PACRG: variants seen among roughly 807,000 people sequenced by gnomAD.
PACRG encodes the protein parkin coregulated.
In PACRG, 29 loss-of-function variants were observed where a neutral mutation model predicts 29.7. That is an observed-to-expected ratio of 0.98 (90% CI 0.73 to 1.33). The LOEUF (loss-of-function observed/expected upper bound fraction) is 1.33, where lower values mean the gene tolerates loss of function less well. PACRG is among the 40% of genes most tolerant of loss of function. PACRG has a pLI of 0.00. For missense variants in PACRG, 279 were observed against 316.2 expected, an observed-to-expected ratio of 0.88 and a Z score of 0.89; for synonymous variants, 116 against 118.7, an observed-to-expected ratio of 0.98 and a Z score of 0.15.
At chr6:163,152,294 A>G (rs1252935173) in intron 4 of PACRG, among the ~76,000 whole-genome samples, 1 of 152,244 alleles carries the variant, frequency 6.6e-6, no homozygotes, top group Non-Finnish European at 1.5e-5. Context: ...AAATGCTTCT[A>G]TGGTTTCAAT....
intron 2 of PACRG, among the ~76,000 whole-genome samples, chr6:162,958,888 G>T (rs1376310848): frequency 0.04 from 708 of 17,920 alleles, 1 homozygote; most frequent in Non-Finnish European, 0.05. Context: ...TATATATAGA[G>T]AGAGAGAGAG....
chr6:163,095,675 C>T (rs1433737548), intron 4 of PACRG, among the ~76,000 whole-genome samples: 1 of 152,160 alleles, frequency 6.6e-6, no homozygotes, highest in African/African-American at 2.4e-5. Context: ...GCCCCATCTT[C>T]ATGTGGCCTT....
At chr6:162,847,428 T>G (rs1014965535) in intron 2 of PACRG, among the ~76,000 whole-genome samples, 4 of 152,064 alleles carry the variant, frequency 2.6e-5, no homozygotes, top group Admixed American at 6.6e-5. Flanking sequence ...TCCCCTTTTT[T>G]GGGATTTTTA....
At chr6:163,010,439 A>G (rs1321004967) in intron 2 of PACRG, among the ~76,000 whole-genome samples, 2 of 152,142 alleles carry the variant, frequency 1.3e-5, no homozygotes, top group African/African-American at 4.8e-5. Flanking sequence ...CCTAAATGCA[A>G]TTATCTCCCA....
intron 2 of PACRG, among the ~76,000 whole-genome samples, chr6:162,989,141 C>T (rs897407007): frequency 1.3e-5 from 2 of 152,130 alleles, no homozygotes; most frequent in East Asian, 3.9e-4. Flanking sequence ...TCAGGTGGAA[C>T]ATTGTTCTCA....
intron 1 of PACRG, among the ~76,000 whole-genome samples, chr6:162,806,788 A>G (rs1212083375): frequency 6.6e-6 from 1 of 152,190 alleles, no homozygotes; most frequent in Admixed American, 6.5e-5. Flanking sequence ...TAGAGTCACC[A>G]GCTGCGTTAG....
At chr6:163,188,122 T>C (rs12194998) in intron 4 of PACRG, among the ~76,000 whole-genome samples, 1,885 of 152,346 alleles carry the variant, frequency 0.012, 13 homozygotes, top group South Asian at 0.031. Flanking sequence ...CAGGGAACTA[T>C]GTGATCTGTG....
At chr6:163,010,591 A>AGTCT (rs1169530500) in intron 2 of PACRG, among the ~76,000 whole-genome samples, 1 of 152,202 alleles carries the variant, frequency 6.6e-6, no homozygotes, top group African/African-American at 2.4e-5. Context: ...ATGTAGCCAG[A>AGTCT]GTCTGCCAAA....
chr6:162,865,696 C>T (rs1033614832), intron 2 of PACRG, among the ~76,000 whole-genome samples: 1 of 152,120 alleles, frequency 6.6e-6, no homozygotes, highest in African/African-American at 2.4e-5. Flanking sequence ...GGCTTATCTT[C>T]TCCAGAATAA....
At chr6:162,947,545 C>CAT (rs4056363) in intron 2 of PACRG, among the ~76,000 whole-genome samples, 1,340 of 75,490 alleles carry the variant, frequency 0.018, 39 homozygotes, top group African/African-American at 0.055. Context: ...CATATATAAT[C>CAT]ATATATATAT....
At chr6:162,779,734 G>A (rs1225029177) in intron 1 of PACRG, among the ~76,000 whole-genome samples, 2 of 152,164 alleles carry the variant, frequency 1.3e-5, no homozygotes, top group Admixed American at 6.5e-5. Flanking sequence ...TAATGAATAC[G>A]AATGTGACCT....
chr6:162,893,175 G>T (rs189273039), intron 2 of PACRG, among the ~76,000 whole-genome samples: 8 of 152,228 alleles, frequency 5.3e-5, no homozygotes, highest in African/African-American at 1.7e-4. Context: ...ACTTGGTGCC[G>T]CTCACCCAAA....
chr6:163,313,985 T>C (rs1785543332), intron 4 of PACRG: 2 of 152,220 alleles, frequency 1.3e-5, no homozygotes, highest in African/African-American at 2.4e-5. Flanking sequence ...GCAGCTTGGA[T>C]ACAATCGCAT....
intron 1 of PACRG, among the ~76,000 whole-genome samples, chr6:162,759,018 C>A (rs187231481): frequency 1.3e-5 from 2 of 152,182 alleles, no homozygotes; most frequent in South Asian, 4.2e-4. Context: ...GTGTTTCTAG[C>A]CATTGAAGAA....
intron 2 of PACRG, among the ~76,000 whole-genome samples, chr6:163,019,202 T>C (rs989652341): frequency 1.3e-5 from 2 of 152,150 alleles, no homozygotes; most frequent in African/African-American, 4.8e-5. Context: ...AAATAATAAT[T>C]TTGTAAGGGA....
chr6:163,090,916 A>G (rs1018498693), intron 4 of PACRG, among the ~76,000 whole-genome samples: 1 of 152,220 alleles, frequency 6.6e-6, no homozygotes, highest in Non-Finnish European at 1.5e-5. Flanking sequence ...ATGCAAACCT[A>G]TGATGCATGT....
At chr6:162,926,571 A>G (rs185141922) in intron 2 of PACRG, among the ~76,000 whole-genome samples, 36 of 152,278 alleles carry the variant, frequency 2.4e-4, no homozygotes, top group African/African-American at 8.4e-4. Context: ...CCTATTTAAC[A>G]AGTGATGCTG....
intron 2 of PACRG, chr6:163,042,664 G>T (rs576474893): frequency 6.8e-6 from 1 of 147,754 alleles, no homozygotes; most frequent in African/African-American, 2.5e-5. Context: ...CAATCTAAAA[G>T]GTCTAAATAA....
chr6:162,982,139 A>G (rs921479790), intron 2 of PACRG, among the ~76,000 whole-genome samples: 1 of 151,894 alleles, frequency 6.6e-6, no homozygotes, highest in African/African-American at 2.4e-5. Flanking sequence ...CGGTTACAAT[A>G]TCTCCCATTT....
Sources: allele counts gnomAD v4.1 joint callset (sites outside exome capture counted in the v4.1 genomes callset), GRCh38; gene constraint gnomAD v4.1.1; transcripts MANE v1.5; gene names NCBI Gene and HGNC (gene_info 2026-07-23, HGNC 2026-07-21).